The following ESRRG variants were observed in gnomAD, a reference collection of about 807,000 sequenced individuals.
ESRRG encodes the protein estrogen related receptor gamma, also known as estrogen-related receptor gamma.
A neutral mutation model predicts 44.0 loss-of-function variants in ESRRG; 13 were observed. That is an observed-to-expected ratio of 0.30 (90% confidence interval 0.19 to 0.47). The LOEUF (loss-of-function observed/expected upper bound fraction) is 0.47. Ranked by LOEUF, ESRRG falls within the 20% of genes least tolerant of loss-of-function variation. The pLI is 1.00. For missense variants in ESRRG, 395 were observed against 580.6 expected (o/e 0.68, Z 3.29); for synonymous variants, 215 against 214.6 (o/e 1.00, Z -0.02).
intron 4 of ESRRG, among the ~76,000 whole-genome samples, chr1:216,565,250 G>T (rs1320769161): frequency 6.6e-6 from 1 of 152,136 alleles, no homozygotes; most frequent in African/African-American, 2.4e-5. Flanking sequence ...TTTATGGAAG[G>T]GGCTGTAAAG....
At chr1:216,597,388 G>A (rs1031434115) in intron 3 of ESRRG, among the ~76,000 whole-genome samples, 4 of 152,130 alleles carry the variant, frequency 2.6e-5, no homozygotes, top group African/African-American at 9.7e-5. Context: ...AAGGAACTTG[G>A]GCATCACTGT....
At chr1:216,860,861 C>A (rs747101574) in intron 2 of ESRRG, among the ~76,000 whole-genome samples, 1 of 152,084 alleles carries the variant, frequency 6.6e-6, no homozygotes, top group Non-Finnish European at 1.5e-5. Flanking sequence ...ATTAGTACAT[C>A]TCTTTAACAA....
chr1:217,085,386 T>A (rs1401081978), intron 1 of ESRRG, among the ~76,000 whole-genome samples: 3 of 151,930 alleles, frequency 2.0e-5, no homozygotes, highest in Non-Finnish European at 4.4e-5. Flanking sequence ...CACCACTAAT[T>A]CCAATACAAA....
chr1:216,965,582 C>T (rs893165716), intron 1 of ESRRG, among the ~76,000 whole-genome samples: 11 of 152,286 alleles, frequency 7.2e-5, no homozygotes, highest in African/African-American at 2.6e-4. Context: ...GAATTCCCTA[C>T]TCAAGTGGTT....
chr1:216,596,744 C>T lies in ESRRG; in HGVS notation c.590-28646G>A, dbSNP rs149949779. On this transcript the variant is annotated intron_variant, in intron 3 of 6. Coordinates refer to ENST00000408911, the MANE Select transcript of ESRRG (RefSeq NM_001438.4). The stretch of plus-strand genomic sequence containing the variant: ...AAGTGAATCCCAGCTTAGGCTTCCT[C>T]GTCCAAACAGTAACTAAATTTAATT... Among the ~76,000 whole-genome samples the T allele has an allele frequency of 3.4e-3, 522 of 152,242 alleles. 5 individuals are homozygous for T. The highest frequency in any genetic ancestry group is 1.0e-2 in the African/African-American group (414 of 41,532).
chr1:216,683,731 A>G (rs940414674), intron 1 of ESRRG, among the ~76,000 whole-genome samples: 1 of 152,216 alleles, frequency 6.6e-6, no homozygotes, highest in African/African-American at 2.4e-5. Flanking sequence ...CATGCATTAT[A>G]ATTTCATACC....
chr1:216,538,457 C>T (rs1266839866), intron 5 of ESRRG, among the ~76,000 whole-genome samples: 2 of 151,982 alleles, frequency 1.3e-5, no homozygotes, highest in Non-Finnish European at 2.9e-5. Context: ...CACCCCACTA[C>T]TGTCTGTCTT....
intron 2 of ESRRG, among the ~76,000 whole-genome samples, chr1:216,829,954 A>G (rs1545109): frequency 0.59 from 89,814 of 151,958 alleles, 27,024 homozygotes; most frequent in Non-Finnish European, 0.63. Context: ...CAACTTGACA[A>G]TGCACAAACT....
At chr1:216,560,317 T>C (rs1018424526) in intron 5 of ESRRG, among the ~76,000 whole-genome samples, 3 of 152,160 alleles carry the variant, frequency 2.0e-5, no homozygotes, top group Non-Finnish European at 4.4e-5. Context: ...AATGGGTAAT[T>C]ATTTAATTTG....
At chr1:216,999,264 T>C (rs1339221) in intron 1 of ESRRG, among the ~76,000 whole-genome samples, 97,251 of 151,970 alleles carry the variant, frequency 0.64, 31,553 homozygotes, top group Admixed American at 0.7. Context: ...AACTCACATG[T>C]ACCTGCCACA....
chr1:216,670,149 G>T (rs1405010123), intron 2 of ESRRG, among the ~76,000 whole-genome samples: 1 of 152,154 alleles, frequency 6.6e-6, no homozygotes, highest in Non-Finnish European at 1.5e-5. Context: ...CCTTTGGAAA[G>T]TTCATATCAT....
chr1:216,986,806 C>G (rs1245729711), intron 1 of ESRRG, among the ~76,000 whole-genome samples: 1 of 152,124 alleles, frequency 6.6e-6, no homozygotes, highest in Non-Finnish European at 1.5e-5. Context: ...TCTTCTAAAT[C>G]TCCCAGCTCA....
At position 216,556,870 on chromosome 1, in the gene ESRRG, T is replaced by C. The variant is rs144761465; in HGVS notation, c.862+7349A>G. Among the ~76,000 whole-genome samples the C allele has an allele frequency of 1.2e-3, 190 of 152,222 alleles. 1 individual carries two copies. Among genetic ancestry groups the C allele is most frequent in the Non-Finnish European group, 2.0e-3 (139 of 67,996 alleles). ...CGCACAGGGTCTGACATAGAGCTCATTAAATGCTTATGCATGGAAGGAAGG... is the reference window on the plus strand; with the variant it reads ...CGCACAGGGTCTGACATAGAGCTCACTAAATGCTTATGCATGGAAGGAAGG... On this transcript the variant is annotated intron_variant, in intron 5 of 6. Transcript: ENST00000408911.
At chr1:216,697,246 G>A (rs919744087) in intron 1 of ESRRG, among the ~76,000 whole-genome samples, 3 of 152,148 alleles carry the variant, frequency 2.0e-5, no homozygotes, top group Non-Finnish European at 2.9e-5. Context: ...AATTACAAGC[G>A]TGAGCCACTG....
intron 1 of ESRRG, among the ~76,000 whole-genome samples, chr1:216,714,849 A>T (rs2084472877): frequency 6.6e-6 from 1 of 152,150 alleles, no homozygotes; most frequent in South Asian, 2.1e-4. Flanking sequence ...TGAAAGACAC[A>T]CCTAATCATT....
intron 5 of ESRRG, among the ~76,000 whole-genome samples, chr1:216,524,374 T>C (rs1208769443): frequency 1.3e-5 from 2 of 150,540 alleles, no homozygotes; most frequent in African/African-American, 2.5e-5. Context: ...ACTGCAGAAG[T>C]GAAAGCTGGA....
intron 1 of ESRRG, among the ~76,000 whole-genome samples, chr1:217,113,563 T>A (rs2092684481): frequency 6.6e-6 from 1 of 152,160 alleles, no homozygotes; most frequent in African/African-American, 2.4e-5. Context: ...CTTAAACCAA[T>A]GCTACAATAG....
intron 1 of ESRRG, among the ~76,000 whole-genome samples, chr1:217,011,707 A>G (rs1032337238): frequency 6.6e-6 from 1 of 152,082 alleles, no homozygotes; most frequent in Non-Finnish European, 1.5e-5. Context: ...GGTACCTCAT[A>G]TCTAGTTCCT....
intron 2 of ESRRG, among the ~76,000 whole-genome samples, chr1:216,877,411 T>G (rs1020069543): frequency 8.6e-5 from 13 of 151,620 alleles, no homozygotes; most frequent in Non-Finnish European, 1.8e-4. Context: ...GTTTGTTTGT[T>G]TGTTTGTTTT....
Sources: allele counts gnomAD v4.1 joint callset (sites outside exome capture counted in the v4.1 genomes callset), GRCh38; gene constraint gnomAD v4.1.1; transcripts MANE v1.5; gene names NCBI Gene and HGNC (gene_info 2026-07-23, HGNC 2026-07-21).